Variants in DCDC2C observed in about 807,000 individuals in gnomAD.
DCDC2C encodes the protein doublecortin domain-containing protein 2C.
A neutral mutation model predicts 45.0 loss-of-function variants in DCDC2C; 44 were observed. The observed-to-expected ratio is 0.98, with a 90% confidence interval of 0.77 to 1.26. The LOEUF (loss-of-function observed/expected upper bound fraction) is 1.26, where lower values mean the gene tolerates loss of function less well. Among genes scored for constraint, DCDC2C ranks in the 50% most tolerant of loss-of-function variants. DCDC2C has a pLI of 0.00. For synonymous variants in DCDC2C, 187 were observed against 178.8 expected (o/e 1.05, Z -0.37); for missense variants, 447 against 468.9 (o/e 0.95, Z 0.43).
chr2:3,706,275 G>T (rs1286311479), intron 1 of DCDC2C, among the ~76,000 whole-genome samples: 1 of 152,106 alleles, frequency 6.6e-6, no homozygotes, highest in East Asian at 1.9e-4. Flanking sequence ...TCATAATAGT[G>T]GTTTCAAGAT....
At position 3,761,372 on chromosome 2, in the gene DCDC2C, GGTGCGTGTGTGT is replaced by G. The variant is rs774990496; in HGVS notation, c.727-6362_727-6351del. ...GGAGATAAAGCATATAAATTAAGGA[GGTGCGTGTGTGT>G]GTGCGTGTGTGTGTGCGTGAAAACA... On this transcript the variant is annotated intron_variant, in intron 6 of 10. Transcript: ENST00000399143. The surrounding 1 kb of genome is among the most constrained non-coding windows in gnomAD (Gnocchi z 4.3). Among the ~76,000 whole-genome samples, 18 of 152,162 alleles carry G rather than the reference GGTGCGTGTGTGT, an allele frequency of 1.2e-4. No homozygotes were observed. Among genetic ancestry groups the G allele is most frequent in the South Asian group, 4.2e-4 (2 of 4,806 alleles).
At chr2:3,748,173 C>T (rs979856030) in intron 4 of DCDC2C, among the ~76,000 whole-genome samples, 20 of 151,968 alleles carry the variant, frequency 1.3e-4, no homozygotes, top group African/African-American at 4.1e-4. Context: ...AATCCATTGG[C>T]GGATTCTGAG....
chr2:3,741,799 T>C (rs1442453232), intron 3 of DCDC2C, 121 bp from the exon 4 acceptor site: 3 of 1,085,026 alleles, frequency 2.8e-6, no homozygotes, highest in Non-Finnish European at 3.9e-6. Flanking sequence ...TATGAAGTAT[T>C]GGAGGCTGCT....
chr2:3,814,887 C>G (rs566872818), intron 10 of DCDC2C, among the ~76,000 whole-genome samples: 1 of 152,262 alleles, frequency 6.6e-6, no homozygotes, highest in Admixed American at 6.5e-5. Flanking sequence ...ATCCAGCTTC[C>G]CTGGCTCCAT....
At chr2:3,742,976 C>T (rs1349089621) in intron 4 of DCDC2C, among the ~76,000 whole-genome samples, 1 of 152,194 alleles carries the variant, frequency 6.6e-6, no homozygotes, top group Non-Finnish European at 1.5e-5. Flanking sequence ...GGGAGGGGCT[C>T]CGGGCCTGGT....
chr2:3,805,845 A>G (rs958687040), intron 10 of DCDC2C, among the ~76,000 whole-genome samples: 2 of 152,190 alleles, frequency 1.3e-5, no homozygotes, highest in Non-Finnish European at 2.9e-5. Flanking sequence ...ATTTTCATAT[A>G]TCTGATGTCC....
At chr2:3,784,283 C>T (rs182899713) in intron 9 of DCDC2C, among the ~76,000 whole-genome samples, 14 of 152,226 alleles carry the variant, frequency 9.2e-5, no homozygotes, top group Non-Finnish European at 1.9e-4. Flanking sequence ...ATGTATAAAT[C>T]AATGCAGCCC....
At chr2:3,791,935 G>C (rs938018738) in intron 10 of DCDC2C, among the ~76,000 whole-genome samples, 4 of 152,186 alleles carry the variant, frequency 2.6e-5, no homozygotes, top group Non-Finnish European at 5.9e-5. Context: ...ATGAAGCTCG[G>C]TGTTCAGGGA....
intron 3 of DCDC2C, among the ~76,000 whole-genome samples, chr2:3,735,412 C>T (rs1187257264): frequency 6.6e-6 from 1 of 152,040 alleles, no homozygotes; most frequent in African/African-American, 2.4e-5. Context: ...TATCCCTCCC[C>T]TGCCCCCCAC....
At chr2:3,716,743 G>C (rs1475877125) in intron 2 of DCDC2C, among the ~76,000 whole-genome samples, 1 of 152,180 alleles carries the variant, frequency 6.6e-6, no homozygotes, top group African/African-American at 2.4e-5. Context: ...AATAATAATT[G>C]CTGTCTCTAT....
chr2:3,802,722 C>A (rs1671143963), intron 10 of DCDC2C, among the ~76,000 whole-genome samples: 1 of 152,174 alleles, frequency 6.6e-6, no homozygotes, highest in African/African-American at 2.4e-5. Context: ...AATATCATCA[C>A]TTGAGGGGTT....
chr2:3,799,644 G>T (rs552900853), intron 10 of DCDC2C, among the ~76,000 whole-genome samples: 60 of 152,400 alleles, frequency 3.9e-4, no homozygotes, highest in Admixed American at 2.5e-3. Context: ...GTGTCAGTCT[G>T]CCCCTGCTGG....
At chr2:3,841,388 T>C (rs1367819725) in intron 10 of DCDC2C, among the ~76,000 whole-genome samples, 2 of 149,798 alleles carry the variant, frequency 1.3e-5, no homozygotes, top group African/African-American at 4.9e-5. Flanking sequence ...TATTATTTTA[T>C]ATTAATATTT....
intron 10 of DCDC2C, among the ~76,000 whole-genome samples, chr2:3,794,197 G>A (rs1484038116): frequency 4.6e-5 from 7 of 152,074 alleles, no homozygotes; most frequent in Non-Finnish European, 8.8e-5. Flanking sequence ...TTATGCAAAT[G>A]TTCAATGAGT....
chr2:3,722,134 G>C (rs1209447857), intron 2 of DCDC2C, among the ~76,000 whole-genome samples: 1 of 152,214 alleles, frequency 6.6e-6, no homozygotes, highest in African/African-American at 2.4e-5. Context: ...ATTGCATGCA[G>C]GAGGCAGCTG....
intron 4 of DCDC2C, among the ~76,000 whole-genome samples, chr2:3,751,748 G>C (rs934356809): frequency 6.6e-6 from 1 of 152,068 alleles, no homozygotes; most frequent in East Asian, 1.9e-4. Context: ...TTCCTCTCAG[G>C]CTCTTGCAGA....
chr2:3,709,914 C>T (rs978008230), intron 2 of DCDC2C, among the ~76,000 whole-genome samples: 15 of 152,170 alleles, frequency 9.9e-5, no homozygotes, highest in South Asian at 2.1e-4. Flanking sequence ...GGTCTACAGA[C>T]GTGAAACACT....
intron 10 of DCDC2C, among the ~76,000 whole-genome samples, chr2:3,820,372 G>T (rs2148223151): frequency 1.3e-5 from 2 of 152,238 alleles, no homozygotes; most frequent in East Asian, 3.9e-4. Context: ...GGAATGGAGG[G>T]TGGAAAGTTG....
In DCDC2C at chr2:3,847,316, C is replaced by T. The variant is rs966920824; in HGVS notation, c.*133C>T. 1.3e-5 allele frequency: 7 copies of T among 532,328 alleles called. No homozygotes were observed. Among genetic ancestry groups the T allele is most frequent in the Non-Finnish European group, 2.0e-5 (7 of 350,384 alleles). The allele number at this position is 532,328 out of a possible 1,614,324, so 33.0% of individuals were successfully genotyped here. On this transcript the variant is annotated 3_prime_UTR_variant, in exon 11 of 11. Coordinates refer to ENST00000399143, the MANE Select transcript of DCDC2C (RefSeq NM_001287444.2). ...AAAGCCCCACACAGTGGTGTCTTCT[C>T]GAAAGCCAAAGACGAGGTTTCATAA...
Sources: gnomAD v4.1 joint callset for allele counts (sites outside exome capture counted in the v4.1 genomes callset) on GRCh38, gnomAD v4.1.1 for gene constraint, Gnocchi (gnomAD v3.1) non-coding constraint, MANE v1.5 for transcripts, NCBI Gene and HGNC (gene_info 2026-07-23, HGNC 2026-07-21) for gene names.